The following STEAP4 variants were observed in gnomAD, a reference collection of about 807,000 sequenced individuals.
STEAP4 encodes STEAP4 metalloreductase.
A neutral mutation model predicts 43.6 loss-of-function variants in STEAP4; 36 were observed. The ratio of observed to expected loss-of-function variants is 0.83; its 90% CI spans 0.63 to 1.09. The LOEUF (loss-of-function observed/expected upper bound fraction) is 1.09. STEAP4 is among the 50% of genes least tolerant of loss of function. The pLI, the probability that STEAP4 is intolerant of heterozygous loss-of-function variation, is 0.00. For missense variants in STEAP4, 495 were observed against 546.5 expected (o/e 0.91, Z 0.94); for synonymous variants, 191 against 196.7 (o/e 0.97, Z 0.24).
In STEAP4 at chr7:88,276,648, T is replaced by C. The variant is rs539451141; in HGVS notation, c.*2750A>G. 1.3e-5 allele frequency: 2 copies of C among 152,990 alleles called. No individual in the cohort carries two copies. Among genetic ancestry groups the C allele is most frequent in the South Asian group, 4.1e-4 (2 of 4,824 alleles). 9.5% of individuals were successfully genotyped at this position (152,990 alleles called of 1,614,324 possible). On this transcript the variant is annotated 3_prime_UTR_variant, in exon 5 of 5. Coordinates refer to ENST00000380079, the MANE Select transcript of STEAP4 (RefSeq NM_024636.4). ...CGCCCAAAGCACTTATTTTCATCTG[T>C]TGTAAACTCATTCTTTCTACCTTAA...
In STEAP4 at chr7:88,279,522, G is replaced by A. The variant is rs1437313963; in HGVS notation, c.1256C>T (p.Ala419Val). ...AGGAATGATAAGCCCTAACACGTAG[G>A]CTGCAGGAAGATACCATCTGAGATT... ...PSNLRWYLPA[A>V]YVLGLIIPCT... Residue 419 changes from alanine to valine, a missense_variant, in exon 5 of 5, where the codon GCC (alanine) becomes GTC (valine). Physicochemically the swap from Ala to Val is moderately conservative, Grantham distance 64. Transcript: ENST00000380079. The A allele has an allele frequency of 2.5e-6, 4 of 1,614,002 alleles. No individual in the cohort carries two copies. Among genetic ancestry groups the A allele is most frequent in the African/African-American group, 1.3e-5 (1 of 74,914 alleles).
At chr7:88,302,106 G>C (rs969086676) in intron 1 of STEAP4, among the ~76,000 whole-genome samples, 2 of 152,174 alleles carry the variant, frequency 1.3e-5, no homozygotes, top group Non-Finnish European at 2.9e-5. Context: ...TTAAAATGTG[G>C]ACTTTGCCAC....
At chr7:88,280,492 T>C (rs1852599504) in intron 4 of STEAP4, among the ~76,000 whole-genome samples, 1 of 152,208 alleles carries the variant, frequency 6.6e-6, no homozygotes, top group Non-Finnish European at 1.5e-5. Flanking sequence ...GTGCTTGACA[T>C]GTGGAAGAAA....
At chr7:88,302,301 C>T (rs1401027125) in intron 1 of STEAP4, among the ~76,000 whole-genome samples, 1 of 152,192 alleles carries the variant, frequency 6.6e-6, no homozygotes, top group East Asian at 1.9e-4. Context: ...GGACCCTGTC[C>T]TCAAGGAGCT....
At chr7:88,305,678 G>A (rs1853117673) in intron 1 of STEAP4, among the ~76,000 whole-genome samples, 1 of 152,174 alleles carries the variant, frequency 6.6e-6, no homozygotes, top group African/African-American at 2.4e-5. Context: ...AATGGAACAT[G>A]CATTATTATG....
In STEAP4 at chr7:88,283,814, C is replaced by T. The variant is rs528873023; in HGVS notation, c.456G>A (p.Gln152=). The T allele has an allele frequency of 6.2e-7, 1 of 1,608,054 alleles. No individual in the cohort carries two copies. The highest frequency in any genetic ancestry group is 1.1e-5 in the South Asian group (1 of 90,656). Residue 152 remains glutamine, a splice_region_variant and synonymous_variant, in exon 2 of 5, where the codon CAG becomes CAA. Coordinates refer to ENST00000380079, the MANE Select transcript of STEAP4 (RefSeq NM_024636.4). ...TGAGTGTAAATTTGTTTATTCTTAC[C>T]TGCCGACTTGCATCCAGTGCTCCTG... ...LQSGALDASR[Q]VFVCGNDSKA...
rs1047831755 is a variant in STEAP4, at chr7:88,273,476, A to C, written c.*5922T>G. The C allele has an allele frequency of 2.0e-5, 3 of 152,004 alleles. No individual in the cohort carries two copies. The highest frequency in any genetic ancestry group is 7.2e-5 in the African/African-American group (3 of 41,390). The allele number at this position is 152,004 out of a possible 1,614,324, so 9.4% of individuals were successfully genotyped here. A position where few individuals can be genotyped will look rare whatever the true frequency, so the allele number is the denominator to read the frequency against. On this transcript the variant is annotated 3_prime_UTR_variant, in exon 5 of 5. Transcript: ENST00000380079. Reference sequence around the variant, plus strand: ...ACTGAGAAAAAAATCTCATTTTTACAGCTATAGGTAATGGAACTAAGCCTG... The same window carrying C: ...ACTGAGAAAAAAATCTCATTTTTACCGCTATAGGTAATGGAACTAAGCCTG...
chr7:88,287,914 G>A (rs779778876), intron 1 of STEAP4, among the ~76,000 whole-genome samples: 2 of 152,174 alleles, frequency 1.3e-5, no homozygotes, highest in Non-Finnish European at 2.9e-5. Context: ...TTTTGTTTCA[G>A]AGCCAAACCA....
At position 88,281,052 on chromosome 7, in the gene STEAP4, TA is replaced by T; in HGVS notation, c.1011del (p.Phe337LeufsTer53). 1.2e-6 allele frequency: 2 copies of T among 1,603,278 alleles called. No homozygotes were observed. Among genetic ancestry groups the T allele is most frequent in the Non-Finnish European group, 1.7e-6 (2 of 1,176,738 alleles). ...TCACTGAGCCAGGCTGAGGAGGTGC[TA>T]AATGGATTCTCCTTCTTGAGTATTG... ...TQAILKKENP[F>X]STSSAWLSDS... On this transcript the variant is annotated frameshift_variant, in exon 4 of 5. Coordinates refer to ENST00000380079, the MANE Select transcript of STEAP4 (RefSeq NM_024636.4). LOFTEE classifies it high-confidence loss of function.
intron 1 of STEAP4, among the ~76,000 whole-genome samples, chr7:88,303,776 C>A (rs1463607365): frequency 2.0e-5 from 3 of 152,162 alleles, no homozygotes; most frequent in Admixed American, 6.5e-5. Context: ...TTGGGAAGAA[C>A]AAATTGTTAA....
At position 88,278,907 on chromosome 7, in the gene STEAP4, A is replaced by G; in HGVS notation, c.*491T>C. The G allele has an allele frequency of 6.4e-6, 1 of 155,836 alleles. No homozygotes were observed. The highest frequency in any genetic ancestry group is 1.9e-4 in the South Asian group (1 of 5,292). The allele number at this position is 155,836 out of a possible 1,614,324, so 9.7% of individuals were successfully genotyped here. ...TTTATGTTTGCCTTTACTTCCAAAA[A>G]ACAACAAAAACCTCATTCCCTTTTT... On this transcript the variant is annotated 3_prime_UTR_variant, in exon 5 of 5. Coordinates refer to ENST00000380079, the MANE Select transcript of STEAP4 (RefSeq NM_024636.4).
intron 1 of STEAP4, among the ~76,000 whole-genome samples, chr7:88,299,105 GA>G (rs1192929209): frequency 5.3e-5 from 8 of 152,090 alleles, no homozygotes; most frequent in African/African-American, 1.9e-4. Flanking sequence ...AAATTATGAG[GA>G]AAGTGAGGTA....
Position 88,282,757 on chromosome 7 carries a change from G to T in STEAP4, c.868C>A (p.Arg290=), listed in dbSNP as rs772041491. The part of the protein sequence containing the change: ...PDWLDHWMLC[R]KQLGLVALGF... ...AGAGCTACCAAGCCAAGCTGCTTTC[G>T]GCAAAGCATCCAGTGGTCAAGCCAG... Residue 290 remains arginine (R), a synonymous_variant, in exon 3 of 5, where the codon CGA becomes AGA. Coordinates refer to ENST00000380079, the MANE Select transcript of STEAP4 (RefSeq NM_024636.4). 1 of 1,614,070 alleles carries T rather than the reference G, an allele frequency of 6.2e-7. No homozygotes were observed. The highest frequency in any genetic ancestry group is 2.2e-5 in the East Asian group (1 of 44,856).
At position 88,277,315 on chromosome 7, in the gene STEAP4, C is replaced by G. The variant is rs1852527919; in HGVS notation, c.*2083G>C. On this transcript the variant is annotated 3_prime_UTR_variant, in exon 5 of 5. Transcript: ENST00000380079. ...TTGAAGGAGCGTGTGTTCTGTGTAC[C>G]TTTGCAACCAGTTATAAATAAACGC... The G allele has an allele frequency of 6.6e-6, 1 of 152,066 alleles. No homozygotes were observed. The allele number at this position is 152,066 out of a possible 1,614,324, so 9.4% of individuals were successfully genotyped here.
At position 88,277,338 on chromosome 7, in the gene STEAP4, C is replaced by A. The variant is rs142802391; in HGVS notation, c.*2060G>T. ...ACCTTTGCAACCAGTTATAAATAAA[C>A]GCAAATTGAAATAAAAAAGACAATC... is the stretch of plus-strand genomic sequence containing the variant. On this transcript the variant is annotated 3_prime_UTR_variant, in exon 5 of 5. Coordinates refer to ENST00000380079, the MANE Select transcript of STEAP4 (RefSeq NM_024636.4). 1 of 152,052 alleles carries A rather than the reference C, an allele frequency of 6.6e-6. No individual in the cohort carries two copies. Among genetic ancestry groups the A allele is most frequent in the South Asian group, 2.1e-4 (1 of 4,828 alleles). The allele number at this position is 152,052 out of a possible 1,614,324, so 9.4% of individuals were successfully genotyped here.
At chr7:88,279,693 G>T in intron 4 of STEAP4, 65 bp from the exon 5 acceptor site, 1 of 1,305,230 alleles carries the variant, frequency 7.7e-7, no homozygotes, top group South Asian at 1.3e-5. Context: ...AACACTCTAA[G>T]CCAGTGACAG....
rs776486599 is a variant in STEAP4, at chr7:88,284,072, G to C, written c.198C>G (p.Ser66Arg). The C allele has an allele frequency of 6.2e-7, 1 of 1,614,108 alleles. No homozygotes were observed. The highest frequency in any genetic ancestry group is 2.2e-5 in the East Asian group (1 of 44,880). Residue 66 changes from serine (S) to arginine (R), a missense_variant, in exon 2 of 5, where the codon AGC becomes AGG. Physicochemically the swap from Ser to Arg is moderately radical, Grantham distance 110 (BLOSUM62 -1). Coordinates refer to ENST00000380079, the MANE Select transcript of STEAP4 (RefSeq NM_024636.4). ...TLLPSGAEVLSYSEAAKKSGI... is the reference protein window; with the variant it reads ...TLLPSGAEVLRYSEAAKKSGI... The stretch of plus-strand genomic sequence containing the variant: ...CAGACTTCTTGGCTGCTTCTGAATA[G>C]CTCAAGACTTCTGCACCACTGGGCA...
chr7:88,291,951 C>T (rs1852840988), intron 1 of STEAP4, among the ~76,000 whole-genome samples: 1 of 152,134 alleles, frequency 6.6e-6, no homozygotes, highest in Non-Finnish European at 1.5e-5. Flanking sequence ...CCAGAGATGA[C>T]AGCCAAGATG....
intron 1 of STEAP4, among the ~76,000 whole-genome samples, chr7:88,286,621 T>G (rs10254279): frequency 0.15 from 23,433 of 152,164 alleles, 1,994 homozygotes; most frequent in Non-Finnish European, 0.2. Flanking sequence ...TGAGGCATGA[T>G]AATTGCTTGA....
Sources: allele counts gnomAD v4.1 joint callset (sites outside exome capture counted in the v4.1 genomes callset), GRCh38; gene constraint gnomAD v4.1.1; transcripts MANE v1.5; gene names NCBI Gene and HGNC (gene_info 2026-07-23, HGNC 2026-07-21).